ITGA4: variants seen among roughly 807,000 people sequenced by gnomAD.
The protein encoded by ITGA4 is integrin subunit alpha 4, also known as integrin alpha-4.
Under a neutral mutation model 133.6 loss-of-function variants are expected in ITGA4, and 63 were observed. The ratio of observed to expected loss-of-function variants is 0.47; its 90% CI spans 0.38 to 0.58. ITGA4 has a LOEUF of 0.58. Among genes scored for constraint, ITGA4 ranks in the 20% least tolerant of loss-of-function variants. The probability of loss-of-function intolerance (pLI) is 0.00; values close to 1 mark genes in which losing one functional copy is unlikely to be tolerated. For missense variants in ITGA4, 1,076 were observed against 1,252.7 expected, an observed-to-expected ratio of 0.86 and a Z score of 2.13; for synonymous variants, 483 against 438.0, an observed-to-expected ratio of 1.10 and a Z score of -1.28.
At chr2:181,498,171 A>G (rs1404159313) in intron 14 of ITGA4, 2 of 152,190 alleles carry the variant, frequency 1.3e-5, no homozygotes, top group Non-Finnish European at 2.9e-5. Flanking sequence ...AAACAAATCT[A>G]AAATATAAAA....
intron 15 of ITGA4, among the ~76,000 whole-genome samples, chr2:181,499,490 C>T (rs919015980): frequency 1.3e-5 from 2 of 152,088 alleles, no homozygotes; most frequent in African/African-American, 4.8e-5. Flanking sequence ...AATCTATTGT[C>T]ACAAAAAACC....
intron 25 of ITGA4, among the ~76,000 whole-genome samples, chr2:181,532,919 C>T (rs961174860): frequency 6.6e-6 from 1 of 152,056 alleles, no homozygotes; most frequent in Non-Finnish European, 1.5e-5. Context: ...CCATCAACAC[C>T]TAGTTTATTG....
At chr2:181,471,710 C>A (rs3770130) in intron 2 of ITGA4, among the ~76,000 whole-genome samples, 1 of 152,080 alleles carries the variant, frequency 6.6e-6, no homozygotes, top group African/African-American at 2.4e-5. Flanking sequence ...TTCCCACTTA[C>A]ACACCTGCCA....
intron 23 of ITGA4, 125 bp downstream of exon 23, chr2:181,529,773 TCTAAG>T (rs1349943879): frequency 3.4e-6 from 2 of 583,860 alleles, no homozygotes; most frequent in Non-Finnish European, 3.1e-6. Context: ...TCAGTCACAC[TCTAAG>T]CTATGAATTC....
chr2:181,498,557 A>T, intron 14 of ITGA4, 66 bp from the exon 15 acceptor site: 1 of 981,754 alleles, frequency 1.0e-6, no homozygotes, highest in Non-Finnish European at 1.5e-6. Context: ...AACTATTATC[A>T]CTTCAAAAAT....
intron 27 of ITGA4, 41 bp downstream of exon 27, chr2:181,534,976 G>T (rs768502087): frequency 6.6e-7 from 1 of 1,520,530 alleles, no homozygotes; most frequent in South Asian, 1.3e-5. Flanking sequence ...TACTAAAAAT[G>T]ACATTTTCTC....
intron 17 of ITGA4, among the ~76,000 whole-genome samples, chr2:181,518,513 G>A (rs956857708): frequency 6.6e-6 from 1 of 151,936 alleles, no homozygotes; most frequent in Non-Finnish European, 1.5e-5. Context: ...AATTAAATAT[G>A]GTAATATGTT....
At position 181,495,896 on chromosome 2, in the gene ITGA4, T is replaced by A; in HGVS notation, c.1499T>A (p.Leu500His). 1 of 1,614,038 alleles carries A rather than the reference T, an allele frequency of 6.2e-7. No individual in the cohort carries two copies. The highest frequency in any genetic ancestry group is 8.5e-7 in the Non-Finnish European group (1 of 1,179,932). ...CCTTCTGTGTGCATAGATCTAACAC[T>A]TTGTTTCTCATATAAGGGCAAGGAA... is the stretch of plus-strand genomic sequence containing the variant. Reference protein sequence around the residue: ...GWPSVCIDLTLCFSYKGKEVP... With the variant: ...GWPSVCIDLTHCFSYKGKEVP... Residue 500 changes from leucine (L) to histidine (H), a missense_variant, in exon 14 of 28, where the codon CTT becomes CAT. Leu to His is a moderately conservative substitution (Grantham distance 99). Transcript: ENST00000397033. The surrounding 1 kb of genome is among the most constrained non-coding windows in gnomAD (Gnocchi z 4.3).
intron 17 of ITGA4, among the ~76,000 whole-genome samples, chr2:181,520,454 G>A (rs1203043181): frequency 6.6e-6 from 1 of 151,924 alleles, no homozygotes; most frequent in Non-Finnish European, 1.5e-5. Flanking sequence ...GGCAATGTAT[G>A]GTTCTCAACA....
chr2:181,472,118 C>T (rs1685568298), intron 2 of ITGA4, among the ~76,000 whole-genome samples: 1 of 152,134 alleles, frequency 6.6e-6, no homozygotes, highest in Non-Finnish European at 1.5e-5. Flanking sequence ...GCAGTGATGA[C>T]ATTGTGATGT....
intron 17 of ITGA4, among the ~76,000 whole-genome samples, chr2:181,521,241 T>C (rs545752324): frequency 2.9e-4 from 44 of 152,298 alleles, no homozygotes; most frequent in African/African-American, 9.6e-4. Flanking sequence ...ACATACTGTA[T>C]TGGAAAGTTT....
Position 181,509,678 on chromosome 2 carries a change from C to A in ITGA4, c.1716C>A (p.Leu572=). The A allele has an allele frequency of 6.3e-7, 1 of 1,596,652 alleles. No homozygotes were observed. The highest frequency in any genetic ancestry group is 8.5e-7 in the Non-Finnish European group (1 of 1,172,720). The change falls in exon 16 of 28, where the codon CTC becomes CTA. Residue 572 remains leucine, a synonymous_variant. Transcript: ENST00000397033. ...CTTAGAAAGATGTGCGGGACATCCT[C>A]ACCCCAATTCAGATTGAAGCTGCTT... ...AFMRKDVRDI[L]TPIQIEAAYH...
Position 181,495,392 on chromosome 2 carries a change from G to A in ITGA4, c.1361G>A (p.Arg454Gln), listed in dbSNP as rs200123017. The change falls in exon 13 of 28, where the codon CGG (arginine) becomes CAG (glutamine). Residue 454 changes from arginine to glutamine, a missense_variant. Arg to Gln is a conservative substitution (Grantham distance 43). This residue lies in a region of ITGA4 where 436 missense variants were observed against 590.7 expected (regional missense o/e 0.74). Transcript: ENST00000397033. The surrounding 1 kb of genome is among the most constrained non-coding windows in gnomAD (Gnocchi z 4.3). ...GYVDVAVGAF[R>Q]SDSAVLLRTR... ...CCAGATGTAGCAGTTGGTGCTTTTC[G>A]GTCTGATTCTGCTGTCTTGCTAAGG... 9 of 1,610,812 alleles carry A rather than the reference G, an allele frequency of 5.6e-6. No homozygotes were observed. Among genetic ancestry groups the A allele is most frequent in the Middle Eastern group, 1.7e-4 (1 of 6,052 alleles).
intron 17 of ITGA4, among the ~76,000 whole-genome samples, chr2:181,512,852 C>G (rs975470004): frequency 2.0e-5 from 3 of 151,940 alleles, no homozygotes; most frequent in African/African-American, 4.8e-5. Context: ...CAAGTAGGTT[C>G]AAGTGAGGTA....
chr2:181,534,813 T>C lies in ITGA4; in HGVS notation c.2884-3T>C, dbSNP rs756561788. The C allele has an allele frequency of 3.2e-6, 5 of 1,581,190 alleles. No homozygotes were observed. In the South Asian group the frequency reaches 4.7e-5, roughly 15 times the overall value. ...TGAGTTTTATTTTTCTTAACTCACG[T>C]AGGTTCTACTGGAAGGACTACATCA... On this transcript the variant is annotated splice_region_variant and splice_polypyrimidine_tract_variant and intron_variant, in intron 26 of 27. Transcript: ENST00000397033.
chr2:181,489,631 A>G lies in ITGA4; in HGVS notation c.1153+3639A>G, dbSNP rs184978918. The stretch of plus-strand genomic sequence containing the variant: ...TTTTGTGTGCACCTGAAATATTAAT[A>G]TATCGTCAAATCATTAAGTGAGCAC... On this transcript the variant is annotated intron_variant, in intron 10 of 27. Coordinates refer to ENST00000397033, the MANE Select transcript of ITGA4 (RefSeq NM_000885.6). 7.9e-5 allele frequency among the ~76,000 whole-genome samples: 12 copies of G among 152,336 alleles called. No individual in the cohort carries two copies. In the East Asian group the frequency reaches 2.1e-3, roughly 27 times the overall value.
At chr2:181,514,284 G>A (rs1028338932) in intron 17 of ITGA4, among the ~76,000 whole-genome samples, 2 of 152,042 alleles carry the variant, frequency 1.3e-5, no homozygotes, top group Admixed American at 1.3e-4. Context: ...AGGACAGGGA[G>A]TCAACTAGGA....
At chr2:181,490,306 A>G (rs753346044) in intron 10 of ITGA4, among the ~76,000 whole-genome samples, 3 of 152,034 alleles carry the variant, frequency 2.0e-5, no homozygotes, top group African/African-American at 4.8e-5. Flanking sequence ...CTTTAATTCT[A>G]CTTTATACAT....
Position 181,523,536 on chromosome 2 carries a change from A to G in ITGA4, c.2169+4A>G. On this transcript the variant is annotated splice_donor_region_variant and intron_variant, in intron 19 of 27. Transcript: ENST00000397033. The surrounding 1 kb of genome is among the most constrained non-coding windows in gnomAD (Gnocchi z 4.2). ...ATATGTAGATCATCTCTCAAGGGTA[A>G]GTGTTTCATATTTATGGCTTTTGTT... 1 of 1,496,008 alleles carries G rather than the reference A, an allele frequency of 6.7e-7. No homozygotes were observed. The highest frequency in any genetic ancestry group is 9.3e-7 in the Non-Finnish European group (1 of 1,074,016). The allele number at this position is 1,496,008 out of a possible 1,614,324, so 92.7% of individuals were successfully genotyped here. A position where few individuals can be genotyped will look rare whatever the true frequency, so the allele number is the denominator to read the frequency against.
Sources: allele counts gnomAD v4.1 joint callset (sites outside exome capture counted in the v4.1 genomes callset), GRCh38; gene constraint gnomAD v4.1.1; regional missense constraint gnomAD v4.1.1; non-coding constraint Gnocchi (gnomAD v3.1); transcripts MANE v1.5; gene names NCBI Gene and HGNC (gene_info 2026-07-23, HGNC 2026-07-21).